PELI2: variants seen among roughly 807,000 people sequenced by gnomAD.
The protein encoded by PELI2 is pellino E3 ubiquitin protein ligase family member 2, also known as E3 ubiquitin-protein ligase pellino homolog 2.
PELI2 carries 23 observed loss-of-function variants against 42.3 expected under a neutral mutation model. The ratio of observed to expected loss-of-function variants is 0.54; its 90% CI spans 0.39 to 0.77. PELI2 has a LOEUF of 0.77. PELI2 is among the 30% of genes least tolerant of loss of function. The pLI is 0.00. For missense variants in PELI2, 463 were observed against 553.2 expected (o/e 0.84, Z 1.64); for synonymous variants, 245 against 212.2 (o/e 1.15, Z -1.34).
At chr14:56,276,837 G>T (rs1889309198) in intron 2 of PELI2, among the ~76,000 whole-genome samples, 1 of 152,056 alleles carries the variant, frequency 6.6e-6, no homozygotes, top group Non-Finnish European at 1.5e-5. Flanking sequence ...TACAAAAATG[G>T]CAGAAGTCTG....
intron 1 of PELI2, among the ~76,000 whole-genome samples, chr14:56,145,764 G>A (rs1234431254): frequency 6.6e-6 from 1 of 152,130 alleles, no homozygotes; most frequent in Admixed American, 6.5e-5. Flanking sequence ...TACGGCCTCT[G>A]CTATGAAAGG....
chr14:56,125,461 T>TG (rs1345644144), intron 1 of PELI2, among the ~76,000 whole-genome samples: 1 of 151,820 alleles, frequency 6.6e-6, no homozygotes, highest in African/African-American at 2.4e-5. Flanking sequence ...GATAAGGTAG[T>TG]GGGGGATCCT....
chr14:56,151,693 A>G (rs762130276), intron 1 of PELI2, among the ~76,000 whole-genome samples: 1 of 152,222 alleles, frequency 6.6e-6, no homozygotes, highest in African/African-American at 2.4e-5. Flanking sequence ...CTGAGTTATT[A>G]TATGTAAAGT....
At chr14:56,192,204 G>T (rs571186505) in intron 2 of PELI2, among the ~76,000 whole-genome samples, 5 of 152,214 alleles carry the variant, frequency 3.3e-5, no homozygotes, top group Admixed American at 2.0e-4. Context: ...TTTGAAAAAT[G>T]GAATAAAGTT....
At chr14:56,245,115 A>G (rs1888105033) in intron 2 of PELI2, among the ~76,000 whole-genome samples, 1 of 152,208 alleles carries the variant, frequency 6.6e-6, no homozygotes. Context: ...GACTTAAAGG[A>G]TAACTTAGGT....
intron 2 of PELI2, among the ~76,000 whole-genome samples, chr14:56,241,435 A>G (rs1253819847): frequency 6.6e-6 from 1 of 152,192 alleles, no homozygotes; most frequent in Non-Finnish European, 1.5e-5. Context: ...CATGAAATTG[A>G]TGTACCTCCA....
At chr14:56,133,787 C>T (rs1175936794) in intron 1 of PELI2, among the ~76,000 whole-genome samples, 2 of 152,148 alleles carry the variant, frequency 1.3e-5, no homozygotes, top group African/African-American at 4.8e-5. Flanking sequence ...TTTCTGTGCC[C>T]TGTAAATGTC....
intron 2 of PELI2, among the ~76,000 whole-genome samples, chr14:56,222,405 GTGT>G (rs1486527875): frequency 6.6e-6 from 1 of 152,182 alleles, no homozygotes; most frequent in African/African-American, 2.4e-5. Flanking sequence ...GGTGAACCAA[GTGT>G]TGAATGGTAC....
At chr14:56,269,997 A>T (rs1383821500) in intron 2 of PELI2, among the ~76,000 whole-genome samples, 2 of 152,176 alleles carry the variant, frequency 1.3e-5, no homozygotes, top group Admixed American at 6.5e-5. Flanking sequence ...CCAAATTAGA[A>T]ACAGACTCTC....
At chr14:56,279,045 T>C (rs1292755213) in intron 2 of PELI2, among the ~76,000 whole-genome samples, 1 of 152,184 alleles carries the variant, frequency 6.6e-6, no homozygotes, top group Non-Finnish European at 1.5e-5. Flanking sequence ...ATTAGCTTTT[T>C]CTGGCCTAAA....
chr14:56,247,637 T>A (rs1439292871), intron 2 of PELI2, among the ~76,000 whole-genome samples: 1 of 152,226 alleles, frequency 6.6e-6, no homozygotes, highest in African/African-American at 2.4e-5. Flanking sequence ...TTCGTTAACA[T>A]CTTGAAAATC....
At chr14:56,237,994 G>A (rs1487970024) in intron 2 of PELI2, among the ~76,000 whole-genome samples, 1 of 151,952 alleles carries the variant, frequency 6.6e-6, no homozygotes, top group East Asian at 1.9e-4. Context: ...GATAAATGAT[G>A]TTGCTGTTAT....
At chr14:56,164,227 GT>G (rs756544639) in intron 1 of PELI2, among the ~76,000 whole-genome samples, 15 of 152,052 alleles carry the variant, frequency 9.9e-5, no homozygotes, top group Non-Finnish European at 1.9e-4. Context: ...TCTATGCCTA[GT>G]TTTTTGAGTG....
At chr14:56,275,367 T>A (rs998303855) in intron 2 of PELI2, among the ~76,000 whole-genome samples, 2 of 152,222 alleles carry the variant, frequency 1.3e-5, no homozygotes, top group African/African-American at 4.8e-5. Flanking sequence ...TCAAGCACGT[T>A]ACATTTGTTG....
chr14:56,235,464 C>T (rs1468387176), intron 2 of PELI2, among the ~76,000 whole-genome samples: 1 of 152,222 alleles, frequency 6.6e-6, no homozygotes, highest in East Asian at 1.9e-4. Flanking sequence ...TTCATCCTCT[C>T]TTCTACGCTA....
At chr14:56,133,132 G>C (rs1352391355) in intron 1 of PELI2, among the ~76,000 whole-genome samples, 1 of 151,536 alleles carries the variant, frequency 6.6e-6, no homozygotes, top group Non-Finnish European at 1.5e-5. Context: ...TCTAGTTATT[G>C]TCCATATACA....
chr14:56,295,606 G>C (rs888546313), intron 5 of PELI2, among the ~76,000 whole-genome samples: 5 of 152,170 alleles, frequency 3.3e-5, no homozygotes, highest in Non-Finnish European at 5.9e-5. Context: ...TGTTGACTGC[G>C]TACCAGACAG....
chr14:56,178,239 C>A, intron 1 of PELI2, 96 bp from the exon 2 acceptor site: 2 of 1,284,730 alleles, frequency 1.6e-6, no homozygotes, highest in Non-Finnish European at 1.1e-6. Flanking sequence ...TCTTTTATGA[C>A]CATTCCTGTC....
chr14:56,192,323 T>G (rs1287651750), intron 2 of PELI2, among the ~76,000 whole-genome samples: 1 of 152,180 alleles, frequency 6.6e-6, no homozygotes, highest in Non-Finnish European at 1.5e-5. Context: ...CGTGTTAAAC[T>G]GGGTTAAAGG....
Sources: allele counts gnomAD v4.1 joint callset (sites outside exome capture counted in the v4.1 genomes callset), GRCh38; gene constraint gnomAD v4.1.1; transcripts MANE v1.5; gene names NCBI Gene and HGNC (gene_info 2026-07-23, HGNC 2026-07-21).